Variants in AKAP13 observed in about 807,000 individuals in gnomAD.
AKAP13 encodes A-kinase anchoring protein 13.
In AKAP13, 80 loss-of-function variants were observed where a neutral mutation model predicts 264.5. The observed-to-expected ratio is 0.30, with a 90% CI of 0.25 to 0.36. The LOEUF is 0.36. Among genes scored for constraint, AKAP13 ranks in the 10% least tolerant of loss-of-function variants. The pLI, the probability that AKAP13 is intolerant of heterozygous loss-of-function variation, is 1.00. For synonymous variants in AKAP13, 1,380 were observed against 1,250.2 expected (o/e 1.10, Z -2.19); for missense variants, 3,712 against 3,435.2 (o/e 1.08, Z -2.01).
At chr15:85,392,251 ATTTTTTT>A (rs57208601) in intron 1 of AKAP13, among the ~76,000 whole-genome samples, 1 of 106,330 alleles carries the variant, frequency 9.4e-6, no homozygotes, top group Non-Finnish European at 1.9e-5. Flanking sequence ...GCCCTTAATA[ATTTTTTT>A]TTTTTTTTTT....
intron 1 of AKAP13, among the ~76,000 whole-genome samples, chr15:85,460,257 C>A (rs1383760308): frequency 6.6e-6 from 1 of 152,200 alleles, no homozygotes; most frequent in Non-Finnish European, 1.5e-5. Flanking sequence ...AAACTTCTAG[C>A]AGTTTTCTGA....
chr15:85,567,791 C>T (rs966060076), intron 5 of AKAP13, among the ~76,000 whole-genome samples: 7 of 152,132 alleles, frequency 4.6e-5, no homozygotes, highest in African/African-American at 1.7e-4. Flanking sequence ...ACTTTGTTTA[C>T]TCGTATTTTT....
intron 13 of AKAP13, 31 bp from the exon 14 acceptor site, chr15:85,669,691 A>C (rs1370821898): frequency 6.8e-7 from 1 of 1,475,194 alleles, no homozygotes. Context: ...GTATATGCTT[A>C]CAACGTGTTC....
intron 1 of AKAP13, among the ~76,000 whole-genome samples, chr15:85,389,564 A>G (rs943180719): frequency 6.6e-6 from 1 of 152,212 alleles, no homozygotes; most frequent in African/African-American, 2.4e-5. Context: ...TTGGGTGAGT[A>G]TGCTTTGTTG....
intron 8 of AKAP13, among the ~76,000 whole-genome samples, chr15:85,586,176 T>G (rs2079334421): frequency 6.6e-6 from 1 of 152,084 alleles, no homozygotes; most frequent in Non-Finnish European, 1.5e-5. Flanking sequence ...TCTTTTTTTC[T>G]TTCCTTCTTT....
chr15:85,647,011 C>T (rs193158798), intron 10 of AKAP13, among the ~76,000 whole-genome samples: 13 of 152,270 alleles, frequency 8.5e-5, no homozygotes, highest in Non-Finnish European at 1.8e-4. Context: ...AACACGGTTC[C>T]TTCTAGTTTT....
At position 85,519,790 on chromosome 15, in the gene AKAP13, TTGA is replaced by T. The variant is rs540571361; in HGVS notation, c.34-1633_34-1631del. Among the ~76,000 whole-genome samples, 5 of 152,336 alleles carry T rather than the reference TTGA, an allele frequency of 3.3e-5. No homozygotes were observed. In the South Asian group the frequency reaches 1.0e-3, roughly 32 times the overall value. ...AATAGACCTGGTTCCTAGGTTTGAC[TTGA>T]TGATTTTTGCTTTTTAGTGTTTAGT... On this transcript the variant is annotated intron_variant, in intron 2 of 36. Transcript: ENST00000394518.
intron 14 of AKAP13, chr15:85,676,848 A>T: frequency 1.3e-6 from 1 of 742,672 alleles, no homozygotes. Context: ...ACAAATTATT[A>T]CATCATTCAC....
chr15:85,574,179 G>T (rs541342400), intron 5 of AKAP13, among the ~76,000 whole-genome samples: 144 of 152,326 alleles, frequency 9.5e-4, no homozygotes, highest in African/African-American at 3.4e-3. Flanking sequence ...GTAGAAGAGG[G>T]TGCTTAACAC....
chr15:85,602,035 A>G (rs2080105550), intron 8 of AKAP13, among the ~76,000 whole-genome samples: 1 of 152,044 alleles, frequency 6.6e-6, no homozygotes, highest in Non-Finnish European at 1.5e-5. Flanking sequence ...TATAAAGAAA[A>G]TTAAGCAAAT....
intron 2 of AKAP13, among the ~76,000 whole-genome samples, chr15:85,493,387 A>G (rs2075787670): frequency 6.6e-6 from 1 of 152,216 alleles, no homozygotes; most frequent in Admixed American, 6.5e-5. Context: ...TAATCTGCCT[A>G]GCATAGGCCC....
chr15:85,420,188 G>T (rs984481585), intron 1 of AKAP13, among the ~76,000 whole-genome samples: 1 of 151,558 alleles, frequency 6.6e-6, no homozygotes, highest in Admixed American at 6.6e-5. Flanking sequence ...TGATCCGCCC[G>T]CCTCGGCCTC....
At chr15:85,539,094 G>A (rs28634781) in intron 4 of AKAP13, among the ~76,000 whole-genome samples, 3,744 of 152,206 alleles carry the variant, frequency 0.025, 153 homozygotes, top group African/African-American at 0.086. Context: ...GCCTCCCAAA[G>A]TGCTGGGTTA....
chr15:85,651,354 C>T (rs1342516396), intron 10 of AKAP13, among the ~76,000 whole-genome samples: 3 of 152,090 alleles, frequency 2.0e-5, no homozygotes, highest in Non-Finnish European at 2.9e-5. Flanking sequence ...TCCTTCTGTC[C>T]ACCCAGTTTG....
chr15:85,501,763 C>A (rs936417311), intron 2 of AKAP13, among the ~76,000 whole-genome samples: 1 of 152,214 alleles, frequency 6.6e-6, no homozygotes, highest in East Asian at 1.9e-4. Context: ...CCAGACCTTT[C>A]TTCAGAAACC....
In AKAP13 at chr15:85,736,379, G is replaced by A. The variant is rs565529564; in HGVS notation, c.7557+245G>A. Among the ~76,000 whole-genome samples the A allele has an allele frequency of 5.9e-5, 9 of 151,912 alleles. No homozygotes were observed. The East Asian group carries it at 1.2e-3, about 20-fold the overall frequency. On this transcript the variant is annotated intron_variant, in intron 33 of 36. Coordinates refer to ENST00000394518, the MANE Select transcript of AKAP13 (RefSeq NM_007200.5). The stretch of plus-strand genomic sequence containing the variant: ...TGCCTGCTAAGATGGCCTTTGATTC[G>A]TTTCTTTGATTCTCTGTCCTTAAGG...
intron 3 of AKAP13, among the ~76,000 whole-genome samples, chr15:85,524,875 C>CTGTGTGTGTGTGTGTGTGTGTG (rs61626116): frequency 1.4e-5 from 2 of 147,230 alleles, no homozygotes; most frequent in African/African-American, 5.1e-5. Flanking sequence ...CCCCATTCCC[C>CTGTGTGTGTGTGTGTGTGTGTG]TGTGTGTGTG....
chr15:85,638,500 G>C (rs1310044150), intron 8 of AKAP13, among the ~76,000 whole-genome samples: 1 of 151,958 alleles, frequency 6.6e-6, no homozygotes, highest in Non-Finnish European at 1.5e-5. Flanking sequence ...ATTGGTTGAG[G>C]TTTTTCAAGT....
chr15:85,498,199 G>GATATATATATATATAT lies in AKAP13; in HGVS notation c.33+12459_33+12474dup, dbSNP rs59420326. 7.6e-4 allele frequency among the ~76,000 whole-genome samples: 101 copies of GATATATATATATATAT among 133,026 alleles called. 1 individual carries two copies. The highest frequency in any genetic ancestry group is 2.6e-3 in the African/African-American group (89 of 34,788). The allele number at this position is 133,026 out of a possible 152,430, so 87.3% of individuals were successfully genotyped here. A position where few individuals can be genotyped will look rare whatever the true frequency, so the allele number is the denominator to read the frequency against. On this transcript the variant is annotated intron_variant, in intron 2 of 36. Coordinates refer to ENST00000394518, the MANE Select transcript of AKAP13 (RefSeq NM_007200.5). ...TGGTAGTAAGGATTAAATGAAGTGAGATATATATATATATATATATATATA... is the reference window on the plus strand; with the variant it reads ...TGGTAGTAAGGATTAAATGAAGTGAGATATATATATATATATATATATATATATATATATATATATA...
Sources: allele counts gnomAD v4.1 joint callset (sites outside exome capture counted in the v4.1 genomes callset), GRCh38; gene constraint gnomAD v4.1.1; transcripts MANE v1.5; gene names NCBI Gene and HGNC (gene_info 2026-07-23, HGNC 2026-07-21).